The following ABTB3 variants were observed in gnomAD, a reference collection of about 807,000 sequenced individuals.
The protein encoded by ABTB3 is ankyrin repeat- and BTB/POZ domain-containing protein 3.
At chr12:107,464,053 A>G in the ABTB3 span, among the ~76,000 whole-genome samples, 1 of 152,140 alleles carries the variant, frequency 6.6e-6, no homozygotes, top group African/African-American at 2.4e-5. Flanking sequence ...AGTCCAGATG[A>G]GCCAGGTTTA....
chr12:107,546,552 C>T, the ABTB3 span, among the ~76,000 whole-genome samples: 1 of 152,196 alleles, frequency 6.6e-6, no homozygotes. Flanking sequence ...CCCATCTTTT[C>T]TACTTCAGTT....
chr12:107,431,787 G>C, the ABTB3 span, among the ~76,000 whole-genome samples: 1 of 152,326 alleles, frequency 6.6e-6, no homozygotes, highest in East Asian at 1.9e-4. Context: ...GGATGACCCT[G>C]TATGGCAGAT....
the ABTB3 span, among the ~76,000 whole-genome samples, chr12:107,615,399 A>T: frequency 6.6e-6 from 1 of 152,246 alleles, no homozygotes; most frequent in Non-Finnish European, 1.5e-5. Flanking sequence ...ACAGAGTGAC[A>T]GACCCATGAA....
At chr12:107,436,211 G>A in the ABTB3 span, among the ~76,000 whole-genome samples, 1 of 152,178 alleles carries the variant, frequency 6.6e-6, no homozygotes, top group Non-Finnish European at 1.5e-5. Flanking sequence ...CTGCATTCTG[G>A]AGGCACCTAC....
chr12:107,462,817 T>G, the ABTB3 span, among the ~76,000 whole-genome samples: 1 of 151,330 alleles, frequency 6.6e-6, no homozygotes, highest in South Asian at 2.1e-4. Flanking sequence ...GATAATGTAG[T>G]GATAGTGATG....
At chr12:107,573,592 C>T in the ABTB3 span, among the ~76,000 whole-genome samples, 4 of 152,074 alleles carry the variant, frequency 2.6e-5, no homozygotes, top group Non-Finnish European at 5.9e-5. Flanking sequence ...TTTTGTTTCT[C>T]TGGAGAGCCC....
At chr12:107,319,582 C>A in the ABTB3 span, 1 of 1,539,182 alleles carries the variant, frequency 6.5e-7, no homozygotes, top group Non-Finnish European at 8.7e-7. Context: ...TCTCCGTGGG[C>A]CGCGTGTATC....
the ABTB3 span, among the ~76,000 whole-genome samples, chr12:107,327,687 G>T: frequency 6.6e-6 from 1 of 152,136 alleles, no homozygotes; most frequent in Admixed American, 6.5e-5. Context: ...AGTTTTCCAG[G>T]CTCTAGTATA....
chr12:107,620,167 A>T, the ABTB3 span: 1 of 1,613,818 alleles, frequency 6.2e-7, no homozygotes, highest in Non-Finnish European at 8.5e-7. Flanking sequence ...CGAGCAAGGT[A>T]TGTGGGGTTT....
the ABTB3 span, chr12:107,520,176 T>C: frequency 1.0e-6 from 1 of 980,750 alleles, no homozygotes; most frequent in Non-Finnish European, 1.2e-6. Flanking sequence ...AGAAGTCACA[T>C]CTAGGAGTGG....
chr12:107,369,599 A>G, the ABTB3 span, among the ~76,000 whole-genome samples: 1 of 149,910 alleles, frequency 6.7e-6, no homozygotes, highest in Non-Finnish European at 1.5e-5. Flanking sequence ...GGATTTCACC[A>G]TGTTGGTCAG....
At chr12:107,604,506 A>G in the ABTB3 span, among the ~76,000 whole-genome samples, 9 of 152,364 alleles carry the variant, frequency 5.9e-5, no homozygotes, top group Middle Eastern at 3.4e-3. Context: ...GCCAACAGGT[A>G]TATGAAAAAA....
At chr12:107,521,536 T>TG in the ABTB3 span, among the ~76,000 whole-genome samples, 1 of 152,072 alleles carries the variant, frequency 6.6e-6, no homozygotes, top group Admixed American at 6.5e-5. Flanking sequence ...TGGCCACTGT[T>TG]GATTTCCACA....
At chr12:107,480,416 G>A in the ABTB3 span, among the ~76,000 whole-genome samples, 2 of 152,146 alleles carry the variant, frequency 1.3e-5, no homozygotes, top group Non-Finnish European at 2.9e-5. Flanking sequence ...GACATTGGGA[G>A]GTCATTGGAT....
At chr12:107,333,415 T>C in the ABTB3 span, among the ~76,000 whole-genome samples, 1 of 151,562 alleles carries the variant, frequency 6.6e-6, no homozygotes, top group Non-Finnish European at 1.5e-5. Context: ...TTTGGAGAGG[T>C]TTCATCGTTG....
At chr12:107,441,457 T>C in the ABTB3 span, among the ~76,000 whole-genome samples, 1 of 151,928 alleles carries the variant, frequency 6.6e-6, no homozygotes, top group Non-Finnish European at 1.5e-5. Flanking sequence ...CTGGGGCCTA[T>C]TGGGAGATGT....
chr12:107,383,225 G>C, the ABTB3 span, among the ~76,000 whole-genome samples: 1 of 152,208 alleles, frequency 6.6e-6, no homozygotes, highest in African/African-American at 2.4e-5. Context: ...CAGAAGCCAG[G>C]CCTATAGGCC....
At chr12:107,522,453 G>A in the ABTB3 span, among the ~76,000 whole-genome samples, 1 of 152,100 alleles carries the variant, frequency 6.6e-6, no homozygotes, top group African/African-American at 2.4e-5. Context: ...ACCAGGGTAT[G>A]CAACCATGAC....
At chr12:107,573,369 G>C in the ABTB3 span, among the ~76,000 whole-genome samples, 1 of 152,212 alleles carries the variant, frequency 6.6e-6, no homozygotes, top group East Asian at 1.9e-4. Flanking sequence ...CATAGGATGT[G>C]TGTACATGTT....
Sources: gnomAD v4.1 joint callset for allele counts (sites outside exome capture counted in the v4.1 genomes callset) on GRCh38, gnomAD v4.1.1 for gene constraint, MANE v1.5 for transcripts, NCBI Gene and HGNC (gene_info 2026-07-23, HGNC 2026-07-21) for gene names.